The following BFAR variants were observed in gnomAD, a reference collection of about 807,000 sequenced individuals.
The protein encoded by BFAR is bifunctional apoptosis regulator.
In BFAR, 52 loss-of-function variants were observed where a neutral mutation model predicts 54.4. The observed-to-expected ratio is 0.96, with a 90% CI of 0.77 to 1.21. The LOEUF (loss-of-function observed/expected upper bound fraction) is 1.21. Ranked by LOEUF, BFAR falls within the 50% of genes most tolerant of loss-of-function variation. The probability of loss-of-function intolerance (pLI) is 0.00; values close to 1 mark genes in which losing one functional copy is unlikely to be tolerated. For synonymous variants in BFAR, 215 were observed against 204.3 expected (o/e 1.05, Z -0.45); for missense variants, 571 against 534.0 (o/e 1.07, Z -0.68).
chr16:14,663,963 C>A (rs553598014), intron 6 of BFAR, among the ~76,000 whole-genome samples: 1 of 151,764 alleles, frequency 6.6e-6, no homozygotes, highest in Non-Finnish European at 1.5e-5. Flanking sequence ...TAATTACGGC[C>A]GGGTGCGGTG....
At chr16:14,654,493 CTTTTTTTT>C (rs55673619) in intron 4 of BFAR, among the ~76,000 whole-genome samples, 5 of 89,136 alleles carry the variant, frequency 5.6e-5, no homozygotes, top group Non-Finnish European at 8.2e-5. Context: ...GTGAGTTTTC[CTTTTTTTT>C]TTTTTTTTTT....
At chr16:14,662,335 CCT>C (rs1340608988) in intron 6 of BFAR, among the ~76,000 whole-genome samples, 1 of 152,152 alleles carries the variant, frequency 6.6e-6, no homozygotes, top group East Asian at 1.9e-4. Flanking sequence ...CTCCAGAGAT[CCT>C]TTTTTTCCCC....
chr16:14,639,654 G>A (rs1392066114), intron 1 of BFAR, among the ~76,000 whole-genome samples: 1 of 152,132 alleles, frequency 6.6e-6, no homozygotes, highest in African/African-American at 2.4e-5. Context: ...ATGCATCATT[G>A]GGAGATTGTG....
Position 14,655,148 on chromosome 16 carries a change from A to G in BFAR, c.721A>G (p.Met241Val), listed in dbSNP as rs1468615810. Residue 241 changes from methionine (M) to valine (V), a missense_variant, in exon 5 of 8, where the codon ATG becomes GTG. Coordinates refer to ENST00000261658, the MANE Select transcript of BFAR (RefSeq NM_016561.3). ...ENSSHRRAIL[M>V]ELERVKALGV... ...CAGCAGCCACAGGAGAGCCATCCTC[A>G]TGGAGCTAGAACGTGTCAAAGCATT... The G allele has an allele frequency of 6.2e-7, 1 of 1,612,154 alleles. No individual in the cohort carries two copies. Among genetic ancestry groups the G allele is most frequent in the Non-Finnish European group, 8.5e-7 (1 of 1,179,212 alleles).
chr16:14,647,188 G>A (rs1004844847), intron 2 of BFAR, among the ~76,000 whole-genome samples: 10 of 152,054 alleles, frequency 6.6e-5, no homozygotes, highest in Non-Finnish European at 8.8e-5. Flanking sequence ...AGGTTCAAGC[G>A]ATTCTCCTGC....
At chr16:14,633,223 G>A (rs893878517) in intron 1 of BFAR, 1 of 152,340 alleles carries the variant, frequency 6.6e-6, no homozygotes, top group Admixed American at 6.5e-5. Context: ...TTGGCCAACT[G>A]CGCTATCCCT....
chr16:14,636,909 G>C (rs571986945), intron 1 of BFAR, among the ~76,000 whole-genome samples: 1 of 152,334 alleles, frequency 6.6e-6, no homozygotes, highest in Admixed American at 6.5e-5. Context: ...AGCACATCTT[G>C]TACCGCCCGT....
Position 14,655,167 on chromosome 16 carries a change from A to G in BFAR, c.740A>G (p.Lys247Arg). ...RAILMELERVKALGVKPPQNL... is the reference protein window; with the variant it reads ...RAILMELERVRALGVKPPQNL... Reference sequence around the variant, plus strand: ...ATCCTCATGGAGCTAGAACGTGTCAAAGCATTAGGCGTGAAGCCCCCCCAG... The same window carrying G: ...ATCCTCATGGAGCTAGAACGTGTCAGAGCATTAGGCGTGAAGCCCCCCCAG... Residue 247 changes from lysine (K) to arginine (R), a missense_variant, in exon 5 of 8, where the codon AAA (lysine) becomes AGA (arginine). Coordinates refer to ENST00000261658, the MANE Select transcript of BFAR (RefSeq NM_016561.3). 1 of 1,602,188 alleles carries G rather than the reference A, an allele frequency of 6.2e-7. No homozygotes were observed. Among genetic ancestry groups the G allele is most frequent in the Non-Finnish European group, 8.5e-7 (1 of 1,174,492 alleles).
intron 6 of BFAR, among the ~76,000 whole-genome samples, chr16:14,664,474 T>G (rs1216645149): frequency 6.6e-6 from 1 of 151,482 alleles, no homozygotes; most frequent in Non-Finnish European, 1.5e-5. Flanking sequence ...TGTGTGTGTG[T>G]GGTAATCAAT....
At chr16:14,665,301 T>C in intron 7 of BFAR, 1 of 501,802 alleles carries the variant, frequency 2.0e-6, no homozygotes, top group East Asian at 3.5e-5. Flanking sequence ...GTCTTATCTC[T>C]ATGCAATAAT....
At chr16:14,657,928 G>C (rs1348925219) in intron 5 of BFAR, among the ~76,000 whole-genome samples, 97 of 152,028 alleles carry the variant, frequency 6.4e-4, no homozygotes, top group Admixed American at 6.4e-3. Flanking sequence ...TCACCATGTT[G>C]CCCAGGCTGG....
intron 1 of BFAR, among the ~76,000 whole-genome samples, chr16:14,642,744 A>T (rs948518764): frequency 6.6e-5 from 10 of 152,180 alleles, no homozygotes; most frequent in African/African-American, 2.4e-4. Context: ...TAAAATAATG[A>T]TTGCCTAATG....
chr16:14,656,860 TG>T (rs1459746433), intron 5 of BFAR, among the ~76,000 whole-genome samples: 1 of 152,052 alleles, frequency 6.6e-6, no homozygotes, highest in Non-Finnish European at 1.5e-5. Context: ...CCCAGCACTT[TG>T]GGAGGCCGAG....
intron 1 of BFAR, among the ~76,000 whole-genome samples, chr16:14,638,615 C>T (rs1959526458): frequency 6.6e-6 from 1 of 152,138 alleles, no homozygotes; most frequent in African/African-American, 2.4e-5. Context: ...AAAGAGTTAA[C>T]AATCATTACA....
At chr16:14,665,126 A>C (rs1349911717) in intron 7 of BFAR, 55 bp downstream of exon 7, 2 of 1,464,180 alleles carry the variant, frequency 1.4e-6, no homozygotes, top group African/African-American at 1.4e-5. Flanking sequence ...ATACCAAGTG[A>C]GAGAAAGATC....
intron 7 of BFAR, 111 bp downstream of exon 7, chr16:14,665,182 C>T: frequency 1.8e-6 from 2 of 1,083,992 alleles, no homozygotes; most frequent in Non-Finnish European, 1.3e-6. Context: ...TCCACCCAGA[C>T]CCTTCAGACT....
intron 6 of BFAR, among the ~76,000 whole-genome samples, chr16:14,663,485 C>G (rs1363553653): frequency 6.6e-6 from 1 of 152,082 alleles, no homozygotes; most frequent in Non-Finnish European, 1.5e-5. Flanking sequence ...GCGCCCGCCA[C>G]CACACCCGGC....
In BFAR at chr16:14,648,440, A is replaced by G. The variant is rs150884036; in HGVS notation, c.316A>G (p.Ile106Val). The G allele has an allele frequency of 6.8e-6, 11 of 1,613,942 alleles. No homozygotes were observed. In the Admixed American group the frequency reaches 1.7e-4, roughly 24 times the overall value. Residue 106 changes from isoleucine to valine, a missense_variant, in exon 3 of 8, where the codon ATT becomes GTT. Physicochemically the swap from Ile to Val is conservative, Grantham distance 29 (BLOSUM62 3). Transcript: ENST00000261658. The stretch of plus-strand genomic sequence containing the variant: ...TGCCATTAGACTGAGATTTGAAGAC[A>G]TTCAGCAGAATAATGACATAGTCCA... The part of the protein sequence containing the change: ...PDAIRLRFED[I>V]QQNNDIVQSL...
chr16:14,638,878 G>C (rs1959534978), intron 1 of BFAR, among the ~76,000 whole-genome samples: 1 of 151,992 alleles, frequency 6.6e-6, no homozygotes, highest in African/African-American at 2.4e-5. Context: ...CCAGGAGGCG[G>C]AGGTTGCAGT....
Sources: gnomAD v4.1 joint callset for allele counts (sites outside exome capture counted in the v4.1 genomes callset) on GRCh38, gnomAD v4.1.1 for gene constraint, MANE v1.5 for transcripts, NCBI Gene and HGNC (gene_info 2026-07-23, HGNC 2026-07-21) for gene names.